Variants in NCAPH observed in about 807,000 individuals in gnomAD.
NCAPH encodes non-SMC condensin I complex subunit H, also known as condensin complex subunit 2.
A neutral mutation model predicts 85.5 loss-of-function variants in NCAPH; 38 were observed. That is an observed-to-expected ratio of 0.44 (90% CI 0.34 to 0.58). The LOEUF is 0.58. NCAPH is among the 20% of genes least tolerant of loss of function. The pLI is 0.01. For synonymous variants in NCAPH, 301 were observed against 335.1 expected (o/e 0.90, Z 1.11); for missense variants, 789 against 916.6 (o/e 0.86, Z 1.80).
rs201236526 is a variant in NCAPH at position 96,361,763 on chromosome 2, T to TATAC, written c.1587+1056_1587+1057insCATA. ...AAGATTTTAATGATATATATATATA[T>TATAC]ATATACATATATATATATACACATA... On this transcript the variant is annotated intron_variant, in intron 12 of 17. Transcript: ENST00000240423. 6.3e-3 allele frequency among the ~76,000 whole-genome samples: 813 copies of TATAC among 128,864 alleles called. 8 individuals carry two copies. Among genetic ancestry groups the TATAC allele is most frequent in the South Asian group, 0.059 (175 of 2,990 alleles). The allele number at this position is 128,864 out of a possible 152,430, so 84.5% of individuals were successfully genotyped here.
At chr2:96,343,442 A>G (rs1236727746) in intron 5 of NCAPH, 138 bp downstream of exon 5, 2 of 1,045,404 alleles carry the variant, frequency 1.9e-6, no homozygotes, top group African/African-American at 1.6e-5. Flanking sequence ...AGAACCATAT[A>G]TGGTCTTACG....
In NCAPH at chr2:96,345,404, G is replaced by A. The variant is rs139685258; in HGVS notation, c.720+1175G>A. Among the ~76,000 whole-genome samples the A allele has an allele frequency of 6.8e-4, 104 of 152,324 alleles. 1 individual carries two copies. Among genetic ancestry groups the A allele is most frequent in the African/African-American group, 2.0e-3 (84 of 41,574 alleles). On this transcript the variant is annotated intron_variant, in intron 6 of 17. Coordinates refer to ENST00000240423, the MANE Select transcript of NCAPH (RefSeq NM_015341.5). ...TGGCTGGTGCTGGTGTCTCAATAAG[G>A]CTGGTTCTGTGAGTGTGAAAATCTG...
chr2:96,358,959 TGCA>T, intron 9 of NCAPH, 83 bp from the exon 10 acceptor site: 1 of 1,337,678 alleles, frequency 7.5e-7, no homozygotes, highest in South Asian at 1.5e-5. Context: ...CTCACAGAAA[TGCA>T]GCTCATTTGC....
chr2:96,350,445 G>A (rs916990628), intron 6 of NCAPH, among the ~76,000 whole-genome samples: 4 of 152,112 alleles, frequency 2.6e-5, no homozygotes, highest in Admixed American at 2.6e-4. Context: ...ACTCTGGATA[G>A]CATTTGAGAA....
intron 9 of NCAPH, 145 bp downstream of exon 9, chr2:96,354,533 A>T: frequency 1.4e-6 from 1 of 699,604 alleles, no homozygotes; most frequent in Non-Finnish European, 2.1e-6. Flanking sequence ...TGCATTGCCC[A>T]GGCTGGTCTT....
chr2:96,362,026 G>T (rs934326039), intron 12 of NCAPH, among the ~76,000 whole-genome samples: 5 of 151,536 alleles, frequency 3.3e-5, no homozygotes, highest in Admixed American at 3.3e-4. Context: ...TTACAGGCGT[G>T]AGCCGTTACA....
chr2:96,365,985 G>C lies in NCAPH; in HGVS notation c.1808G>C (p.Gly603Ala). 1 of 1,614,194 alleles carries C rather than the reference G, an allele frequency of 6.2e-7. No individual in the cohort carries two copies. Among genetic ancestry groups the C allele is most frequent in the Non-Finnish European group, 8.5e-7 (1 of 1,180,040 alleles). The change falls in exon 14 of 18, where the codon GGT becomes GCT. Residue 603 changes from glycine to alanine, a missense_variant. Transcript: ENST00000240423. ...CCACCTAAGACAGCACAACAGAATG[G>C]TGACACTCCAGAAGCCCAAGGATTA... is the stretch of plus-strand genomic sequence containing the variant. ...CHPPKTAQQN[G>A]DTPEAQGLDI...
In NCAPH at chr2:96,359,137, G is replaced by A. The variant is rs374299422; in HGVS notation, c.1301G>A (p.Arg434Gln). 15 of 1,614,026 alleles carry A rather than the reference G, an allele frequency of 9.3e-6. No individual in the cohort carries two copies. Among genetic ancestry groups the A allele is most frequent in the East Asian group, 2.2e-5 (1 of 44,902 alleles). Residue 434 changes from arginine (R) to glutamine (Q), a missense_variant, in exon 10 of 18, where the codon CGG becomes CAG. Arg to Gln is a conservative substitution (Grantham distance 43). Coordinates refer to ENST00000240423, the MANE Select transcript of NCAPH (RefSeq NM_015341.5). ...GGAGAATATTCTTATTTCAGTCCTC[G>A]GACCATGTCGATGTGGGCTGGCCCG... Reference protein sequence around the residue: ...KPGEYSYFSPRTMSMWAGPDH... With the variant: ...KPGEYSYFSPQTMSMWAGPDH...
At chr2:96,369,750 G>A (rs1418582283) in intron 17 of NCAPH, among the ~76,000 whole-genome samples, 1 of 152,150 alleles carries the variant, frequency 6.6e-6, no homozygotes, top group East Asian at 1.9e-4. Context: ...AATTGTGATC[G>A]GTAAGTTCCC....
At chr2:96,365,062 A>C (rs1450373515) in intron 13 of NCAPH, among the ~76,000 whole-genome samples, 1 of 152,122 alleles carries the variant, frequency 6.6e-6, no homozygotes, top group Non-Finnish European at 1.5e-5. Flanking sequence ...CTCATATTGC[A>C]AGCTTGCTGT....
chr2:96,366,868 C>T (rs982149707), intron 14 of NCAPH, among the ~76,000 whole-genome samples: 2 of 135,502 alleles, frequency 1.5e-5, no homozygotes, highest in African/African-American at 2.8e-5. Flanking sequence ...CAGGTCGAGA[C>T]TCCGTCTCAA....
At chr2:96,358,644 A>T (rs907757070) in intron 9 of NCAPH, among the ~76,000 whole-genome samples, 3 of 151,930 alleles carry the variant, frequency 2.0e-5, no homozygotes, top group Admixed American at 1.3e-4. Flanking sequence ...AATTTTTTGT[A>T]TTTTTAGTAG....
chr2:96,358,720 G>A (rs1032982032), intron 9 of NCAPH, among the ~76,000 whole-genome samples: 5 of 152,242 alleles, frequency 3.3e-5, no homozygotes, highest in Admixed American at 2.6e-4. Flanking sequence ...CGCCCGCCTT[G>A]GCCTCCCAAA....
At chr2:96,361,567 C>T (rs2064609735) in intron 12 of NCAPH, among the ~76,000 whole-genome samples, 1 of 151,712 alleles carries the variant, frequency 6.6e-6, no homozygotes, top group African/African-American at 2.4e-5. Context: ...TGATTACTGC[C>T]TCCTTCATTT....
chr2:96,339,014 T>C (rs557400645), intron 1 of NCAPH, among the ~76,000 whole-genome samples: 2 of 152,220 alleles, frequency 1.3e-5, no homozygotes, highest in African/African-American at 4.8e-5. Context: ...GGTTTCACCG[T>C]GTTGGCCAGG....
At chr2:96,352,468 CTAAG>C (rs2064457902) in intron 7 of NCAPH, among the ~76,000 whole-genome samples, 1 of 152,222 alleles carries the variant, frequency 6.6e-6, no homozygotes, top group African/African-American at 2.4e-5. Context: ...CTGCAGCAGT[CTAAG>C]AACTGATCTC....
intron 9 of NCAPH, among the ~76,000 whole-genome samples, chr2:96,358,580 T>G (rs1236426195): frequency 6.6e-6 from 1 of 152,150 alleles, no homozygotes; most frequent in African/African-American, 2.4e-5. Flanking sequence ...GCCATTCTCC[T>G]GCCTCAGCCT....
intron 6 of NCAPH, among the ~76,000 whole-genome samples, chr2:96,350,021 A>G (rs1172674806): frequency 1.3e-5 from 2 of 152,270 alleles, no homozygotes; most frequent in Non-Finnish European, 2.9e-5. Context: ...AGCAAAAGCC[A>G]TAGCACAGGA....
chr2:96,369,618 T>C (rs1057260760), intron 17 of NCAPH, 118 bp downstream of exon 17: 5 of 1,049,570 alleles, frequency 4.8e-6, no homozygotes, highest in Admixed American at 1.9e-5. Context: ...CAGTGACTTA[T>C]GTAGCACCTT....
Sources: gnomAD v4.1 joint callset for allele counts (sites outside exome capture counted in the v4.1 genomes callset) on GRCh38, gnomAD v4.1.1 for gene constraint, MANE v1.5 for transcripts, NCBI Gene and HGNC (gene_info 2026-07-23, HGNC 2026-07-21) for gene names.